RBM20: variants seen among roughly 807,000 people sequenced by gnomAD.
RBM20 encodes RNA binding motif protein 20, also known as RNA-binding protein 20.
A neutral mutation model predicts 110.1 loss-of-function variants in RBM20; 51 were observed. The observed-to-expected ratio is 0.46, with a 90% CI of 0.37 to 0.59. RBM20 has a LOEUF of 0.59. RBM20 is among the 20% of genes least tolerant of loss of function. RBM20 has a pLI of 0.00. For synonymous variants in RBM20, 589 were observed against 618.2 expected (o/e 0.95, Z 0.70); for missense variants, 1,512 against 1,574.9 (o/e 0.96, Z 0.68).
chr10:110,789,662 C>G (rs1040835621), intron 5 of RBM20, among the ~76,000 whole-genome samples: 1 of 151,926 alleles, frequency 6.6e-6, no homozygotes, highest in South Asian at 2.1e-4. Context: ...TGCCCAGGCT[C>G]GCGTGTTTAT....
At chr10:110,752,939 A>ATT (rs746929801) in intron 1 of RBM20, among the ~76,000 whole-genome samples, 43 of 93,794 alleles carry the variant, frequency 4.6e-4, no homozygotes, top group Non-Finnish European at 7.6e-4. Context: ...ATATATATAT[A>ATT]TATATATTTT....
At position 110,825,963 on chromosome 10, in the gene RBM20, T is replaced by C. The variant is rs142763293; in HGVS notation, c.3451+2349T>C. On this transcript the variant is annotated intron_variant, in intron 12 of 13. Coordinates refer to ENST00000369519, the MANE Select transcript of RBM20 (RefSeq NM_001134363.3). ...TCATCTGACTCTAGAGCCATGTTCT[T>C]AGCTTCTGTTCTCTGCTGCCTTTCA... Among the ~76,000 whole-genome samples, 1,041 of 152,346 alleles carry C rather than the reference T, an allele frequency of 6.8e-3. 41 individuals carry two copies. Among genetic ancestry groups the C allele is most frequent in the Admixed American group, 0.06 (919 of 15,306 alleles).
chr10:110,798,596 G>A (rs1228107249), intron 6 of RBM20, among the ~76,000 whole-genome samples: 1 of 152,220 alleles, frequency 6.6e-6, no homozygotes, highest in African/African-American at 2.4e-5. Flanking sequence ...AGAAAGCTGG[G>A]TGGCAGAATG....
intron 1 of RBM20, among the ~76,000 whole-genome samples, chr10:110,702,741 G>A (rs1002439329): frequency 1.3e-5 from 2 of 152,192 alleles, no homozygotes; most frequent in Admixed American, 1.3e-4. Flanking sequence ...GATCCAGACT[G>A]CTTATGTTGG....
At chr10:110,792,757 G>T (rs1036066751) in intron 5 of RBM20, among the ~76,000 whole-genome samples, 2 of 152,322 alleles carry the variant, frequency 1.3e-5, no homozygotes, top group East Asian at 1.9e-4. Context: ...TCATGGAGCT[G>T]CAGGATTCAT....
chr10:110,644,193 C>G (rs1861829650), upstream of RBM20, among the ~76,000 whole-genome samples: 1 of 152,126 alleles, frequency 6.6e-6, no homozygotes, highest in Admixed American at 6.5e-5. The surrounding 1 kb of genome is among the most constrained non-coding windows in gnomAD (Gnocchi z 4.3). Context: ...CGCTGAGCAG[C>G]CCCCGGCCGC....
chr10:110,706,166 C>T (rs543729601), intron 1 of RBM20, among the ~76,000 whole-genome samples: 11 of 152,284 alleles, frequency 7.2e-5, no homozygotes, highest in African/African-American at 2.6e-4. Context: ...CTAGAGACAA[C>T]ATCCTACCTT....
At chr10:110,801,186 T>C (rs1844617913) in intron 7 of RBM20, among the ~76,000 whole-genome samples, 1 of 152,128 alleles carries the variant, frequency 6.6e-6, no homozygotes, top group Admixed American at 6.5e-5. Context: ...CCCAGCACTT[T>C]GGGAGACCAA....
chr10:110,755,540 G>A (rs1843910598), intron 1 of RBM20, among the ~76,000 whole-genome samples: 2 of 152,244 alleles, frequency 1.3e-5, no homozygotes, highest in South Asian at 2.1e-4. Context: ...TTTTACAATT[G>A]TGTTTAATAT....
chr10:110,767,532 C>T (rs1255811069), intron 1 of RBM20, among the ~76,000 whole-genome samples: 3 of 148,110 alleles, frequency 2.0e-5, no homozygotes, highest in Non-Finnish European at 3.0e-5. Flanking sequence ...ACTTCTCAGA[C>T]GGGGCGGCTG....
At chr10:110,678,332 G>A (rs1399728616) in intron 1 of RBM20, among the ~76,000 whole-genome samples, 2 of 152,184 alleles carry the variant, frequency 1.3e-5, no homozygotes, top group East Asian at 3.8e-4. Context: ...GGCTATGAGG[G>A]TGTCACTAAA....
chr10:110,802,759 G>A (rs1844645697), intron 7 of RBM20, among the ~76,000 whole-genome samples: 1 of 152,224 alleles, frequency 6.6e-6, no homozygotes, highest in Non-Finnish European at 1.5e-5. Context: ...TGCCATGGAG[G>A]GAGAAGTAGC....
chr10:110,803,073 A>T (rs530262624), intron 7 of RBM20, among the ~76,000 whole-genome samples: 2 of 151,376 alleles, frequency 1.3e-5, no homozygotes, highest in South Asian at 4.1e-4. Context: ...TAAGAGTACA[A>T]CAATAACAAT....
At chr10:110,831,666 T>TA (rs869203382) in intron 13 of RBM20, among the ~76,000 whole-genome samples, 4,005 of 58,364 alleles carry the variant, frequency 0.069, 126 homozygotes, top group African/African-American at 0.092. Context: ...CTTGCTAGAA[T>TA]AAAAAAAAAA....
In RBM20 at chr10:110,751,186, T is replaced by G. The variant is rs185198751; in HGVS notation, c.192-29615T>G. Among the ~76,000 whole-genome samples the G allele has an allele frequency of 5.1e-3, 770 of 152,330 alleles. 6 individuals carry two copies. Among genetic ancestry groups the G allele is most frequent in the Non-Finnish European group, 6.2e-3 (425 of 68,018 alleles). The stretch of plus-strand genomic sequence containing the variant: ...AAGTAATTTGTGTGTGCACAGATTC[T>G]TCAGACCTTACAGGATGTCTCTGTA... On this transcript the variant is annotated intron_variant, in intron 1 of 13. Transcript: ENST00000369519.
chr10:110,684,823 G>A (rs1862478431), intron 1 of RBM20, among the ~76,000 whole-genome samples: 1 of 152,214 alleles, frequency 6.6e-6, no homozygotes, highest in African/African-American at 2.4e-5. Context: ...CTGGGATGCA[G>A]CCTAAATAAA....
chr10:110,774,461 G>C (rs1844234700), intron 1 of RBM20, among the ~76,000 whole-genome samples: 1 of 152,078 alleles, frequency 6.6e-6, no homozygotes, highest in Non-Finnish European at 1.5e-5. Context: ...TATCCAAAAG[G>C]TGTGTGGCCT....
chr10:110,820,154 CG>C lies in RBM20; in HGVS notation c.2635del (p.Glu879LysfsTer31). 6.4e-7 allele frequency: 1 copy of C among 1,550,980 alleles called. No homozygotes were observed. Among genetic ancestry groups the C allele is most frequent in the Non-Finnish European group, 8.7e-7 (1 of 1,146,394 alleles). On this transcript the variant is annotated frameshift_variant, in exon 10 of 14. Transcript: ENST00000369519. LOFTEE classifies it high-confidence loss of function. The part of the protein sequence containing the change: ...RQEKEAEFSD[P>X]ENTRTKKEQD... ...GAGAAAGAAGCAGAGTTCTCTGATC[CG>C]GAAAACACAAGGACAAAGAAGGTAA...
chr10:110,773,287 C>T (rs1458323406), intron 1 of RBM20, among the ~76,000 whole-genome samples: 1 of 152,200 alleles, frequency 6.6e-6, no homozygotes, highest in Non-Finnish European at 1.5e-5. Context: ...CAGATAGACA[C>T]ACCACATGTG....
Sources: gnomAD v4.1 joint callset for allele counts (sites outside exome capture counted in the v4.1 genomes callset) on GRCh38, gnomAD v4.1.1 for gene constraint, Gnocchi (gnomAD v3.1) non-coding constraint, MANE v1.5 for transcripts, NCBI Gene and HGNC (gene_info 2026-07-23, HGNC 2026-07-21) for gene names.